The following SLCO5A1 variants were observed in gnomAD, a reference collection of about 807,000 sequenced individuals.
SLCO5A1 encodes organic anion transporter polypeptide-related protein 4.
SLCO5A1 carries 39 observed loss-of-function variants against 65.1 expected under a neutral mutation model. That is an observed-to-expected ratio of 0.60 (90% confidence interval 0.46 to 0.78). The LOEUF (loss-of-function observed/expected upper bound fraction) is 0.78, where lower values mean the gene tolerates loss of function less well. Among genes scored for constraint, SLCO5A1 ranks in the 30% least tolerant of loss-of-function variants. The pLI is 0.00. For synonymous variants in SLCO5A1, 438 were observed against 415.7 expected (o/e 1.05, Z -0.65); for missense variants, 1,029 against 1,069.4 (o/e 0.96, Z 0.53).
In SLCO5A1 at chr8:69,771,145, C is replaced by A. The variant is rs12548226; in HGVS notation, c.908-9270G>T. On this transcript the variant is annotated intron_variant, in intron 2 of 9. Transcript: ENST00000260126. ...GATCACAGGTGCCCACCACCACGCC[C>A]GGCTAATTTTGTATTTTCAGTAGAG... Among the ~76,000 whole-genome samples the A allele has an allele frequency of 5.7e-3, 873 of 152,092 alleles. 13 individuals are homozygous for A. Among genetic ancestry groups the A allele is most frequent in the Admixed American group, 0.028 (420 of 15,272 alleles).
intron 2 of SLCO5A1, among the ~76,000 whole-genome samples, chr8:69,828,848 C>A (rs190134987): frequency 3.3e-5 from 5 of 152,316 alleles, no homozygotes; most frequent in Admixed American, 3.3e-4. Flanking sequence ...GCAACCACTA[C>A]CAGAAAAGTT....
intron 5 of SLCO5A1, among the ~76,000 whole-genome samples, chr8:69,735,934 A>G (rs1045851643): frequency 6.6e-6 from 1 of 152,224 alleles, no homozygotes; most frequent in Admixed American, 6.5e-5. Context: ...ATCAATCTTA[A>G]TATCTCTTGA....
intron 5 of SLCO5A1, among the ~76,000 whole-genome samples, chr8:69,709,067 A>G (rs989084302): frequency 2.0e-5 from 3 of 152,338 alleles, no homozygotes; most frequent in Admixed American, 1.3e-4. Context: ...ATGCAGGTAG[A>G]AACCAGACTG....
At chr8:69,720,638 T>C (rs933657415) in intron 5 of SLCO5A1, among the ~76,000 whole-genome samples, 3 of 152,264 alleles carry the variant, frequency 2.0e-5, no homozygotes, top group Non-Finnish European at 2.9e-5. Context: ...GAAAACGTCA[T>C]GTTTTAGTAT....
chr8:69,822,727 C>T (rs1041581491), intron 2 of SLCO5A1, among the ~76,000 whole-genome samples: 1 of 152,202 alleles, frequency 6.6e-6, no homozygotes, highest in Non-Finnish European at 1.5e-5. Flanking sequence ...CAAAATGTTA[C>T]AGCAAGAGAA....
chr8:69,727,514 C>A (rs962565328), intron 5 of SLCO5A1, among the ~76,000 whole-genome samples: 9 of 152,162 alleles, frequency 5.9e-5, no homozygotes, highest in African/African-American at 1.9e-4. Flanking sequence ...ACTGCTCTGC[C>A]TGCCTCATTT....
chr8:69,729,314 G>A (rs938303893), intron 5 of SLCO5A1, among the ~76,000 whole-genome samples: 1 of 151,752 alleles, frequency 6.6e-6, no homozygotes, highest in Non-Finnish European at 1.5e-5. Flanking sequence ...CGAGGTGGAG[G>A]GCGCCTGTAG....
At chr8:69,709,770 T>C (rs1815142217) in intron 5 of SLCO5A1, among the ~76,000 whole-genome samples, 1 of 152,170 alleles carries the variant, frequency 6.6e-6, no homozygotes, top group Non-Finnish European at 1.5e-5. Flanking sequence ...GGCCAAGGGT[T>C]GGAAAAACCG....
chr8:69,692,244 A>G (rs1814294584), intron 6 of SLCO5A1, among the ~76,000 whole-genome samples: 1 of 152,192 alleles, frequency 6.6e-6, no homozygotes, highest in South Asian at 2.1e-4. Context: ...GTGAGACTCC[A>G]TCTCAAAAAA....
At chr8:69,818,818 C>G (rs1461415932) in intron 2 of SLCO5A1, among the ~76,000 whole-genome samples, 2 of 152,132 alleles carry the variant, frequency 1.3e-5, no homozygotes, top group African/African-American at 4.8e-5. Flanking sequence ...CTGTCTCAAA[C>G]ACACACAAAA....
intron 6 of SLCO5A1, among the ~76,000 whole-genome samples, chr8:69,697,052 C>T (rs899088374): frequency 2.6e-5 from 4 of 151,898 alleles, no homozygotes; most frequent in Non-Finnish European, 4.4e-5. Flanking sequence ...TACTAGAGAA[C>T]ACAGGGAAAA....
At chr8:69,814,837 C>A (rs1360140860) in intron 2 of SLCO5A1, among the ~76,000 whole-genome samples, 2 of 152,160 alleles carry the variant, frequency 1.3e-5, no homozygotes, top group Non-Finnish European at 2.9e-5. Flanking sequence ...GAAGGAAATT[C>A]TGTCATTTTT....
At chr8:69,778,819 T>C (rs772011382) in intron 2 of SLCO5A1, among the ~76,000 whole-genome samples, 1 of 152,196 alleles carries the variant, frequency 6.6e-6, no homozygotes, top group Non-Finnish European at 1.5e-5. Context: ...TGACACATCC[T>C]GAACATCAAT....
chr8:69,832,972 C>T lies in SLCO5A1; in HGVS notation c.-299G>A. 2 of 390,436 alleles carry T rather than the reference C, an allele frequency of 5.1e-6. No individual in the cohort carries two copies. The highest frequency in any genetic ancestry group is 8.9e-6 in the Non-Finnish European group (2 of 224,204). The allele number at this position is 390,436 out of a possible 1,614,324, so 24.2% of individuals were successfully genotyped here. A position where few individuals can be genotyped will look rare whatever the true frequency, so the allele number is the denominator to read the frequency against. On this transcript the variant is annotated 5_prime_UTR_variant, in exon 2 of 10. Coordinates refer to ENST00000260126, the MANE Select transcript of SLCO5A1 (RefSeq NM_030958.3). This position sits in a 1 kb window ranked among gnomAD's most constrained non-coding sequence, Gnocchi z 4.5. Reference sequence around the variant, plus strand: ...GGGCGGTAGCTTGAGGCAGGCGCCTCGCGCGTCCCGGGCTCATCCCCTCCG... The same window carrying T: ...GGGCGGTAGCTTGAGGCAGGCGCCTTGCGCGTCCCGGGCTCATCCCCTCCG...
At chr8:69,678,971 G>A (rs527844189) in intron 8 of SLCO5A1, among the ~76,000 whole-genome samples, 17 of 152,278 alleles carry the variant, frequency 1.1e-4, no homozygotes, top group Admixed American at 3.9e-4. Context: ...GAAGATAATA[G>A]CCTTTGCTGT....
intron 3 of SLCO5A1, among the ~76,000 whole-genome samples, chr8:69,756,744 C>A (rs181877079): frequency 8.8e-4 from 134 of 152,334 alleles, no homozygotes; most frequent in Non-Finnish European, 1.5e-3. Context: ...TTGCAGAGCA[C>A]TAGGAAGCAA....
chr8:69,690,303 T>A (rs2933071), intron 6 of SLCO5A1, among the ~76,000 whole-genome samples: 56,510 of 151,240 alleles, frequency 0.37, 10,488 homozygotes, highest in South Asian at 0.54. Flanking sequence ...CATTTACCTG[T>A]GCTTCATTGA....
intron 2 of SLCO5A1, among the ~76,000 whole-genome samples, chr8:69,809,851 C>T (rs1356411293): frequency 6.6e-6 from 1 of 151,904 alleles, no homozygotes; most frequent in Non-Finnish European, 1.5e-5. Flanking sequence ...TACCTGCCTC[C>T]TGGAGATCGG....
In SLCO5A1 at chr8:69,740,637, C is replaced by G. The variant is rs550938661; in HGVS notation, c.1259-2433G>C. 5.9e-5 allele frequency among the ~76,000 whole-genome samples: 9 copies of G among 152,250 alleles called. No homozygotes were observed. In the South Asian group the frequency reaches 1.9e-3, roughly 32 times the overall value. ...CAACCAATTCTTGATTTCTAAAAAC[C>G]ATCTTCTAATAAAAGGAACAAGAGT... On this transcript the variant is annotated intron_variant, in intron 4 of 9. Coordinates refer to ENST00000260126, the MANE Select transcript of SLCO5A1 (RefSeq NM_030958.3).
Sources: gnomAD v4.1 joint callset for allele counts (sites outside exome capture counted in the v4.1 genomes callset) on GRCh38, gnomAD v4.1.1 for gene constraint, Gnocchi (gnomAD v3.1) non-coding constraint, MANE v1.5 for transcripts, NCBI Gene and HGNC (gene_info 2026-07-23, HGNC 2026-07-21) for gene names.